LOC400499: variants seen among roughly 807,000 people sequenced by gnomAD.
the LOC400499 span, chr16:11,417,803 C>A: frequency 2.5e-5 from 10 of 398,886 alleles, no homozygotes; most frequent in Non-Finnish European, 4.0e-5. Flanking sequence ...CCAGAATGCT[C>A]GAAGCCGGAG....
the LOC400499 span, among the ~76,000 whole-genome samples, chr16:11,420,368 C>G: frequency 6.8e-6 from 1 of 147,710 alleles, no homozygotes. Context: ...ACCACATGTT[C>G]TCACTCATAG....
At chr16:11,379,827 T>G in the LOC400499 span, among the ~76,000 whole-genome samples, 63 of 152,362 alleles carry the variant, frequency 4.1e-4, no homozygotes, top group Non-Finnish European at 8.1e-4. Context: ...TGTAGATATG[T>G]TGTCATTACC....
At chr16:11,482,604 T>C in the LOC400499 span, among the ~76,000 whole-genome samples, 1 of 152,214 alleles carries the variant, frequency 6.6e-6, no homozygotes, top group East Asian at 1.9e-4. Context: ...GAAGAACTTG[T>C]TTCTGGTCAG....
At chr16:11,397,792 A>C in the LOC400499 span, among the ~76,000 whole-genome samples, 1 of 27,406 alleles carries the variant, frequency 3.6e-5, no homozygotes, top group African/African-American at 1.1e-4. Flanking sequence ...GGAGGGAGGG[A>C]GGGAGGGATG....
At chr16:11,432,293 A>G in the LOC400499 span, among the ~76,000 whole-genome samples, 1 of 152,232 alleles carries the variant, frequency 6.6e-6, no homozygotes, top group African/African-American at 2.4e-5. Context: ...GTGAGCAAAC[A>G]AAATGGTTGT....
chr16:11,459,878 C>T, the LOC400499 span: 477 of 1,350,448 alleles, frequency 3.5e-4, 4 homozygotes, highest in African/African-American at 5.9e-3. Context: ...ACGGCTCTGC[C>T]GCAGTGGCCA....
the LOC400499 span, chr16:11,393,315 C>G: frequency 5.1e-6 from 6 of 1,169,688 alleles, no homozygotes; most frequent in African/African-American, 1.6e-5. Flanking sequence ...AATCTTAACG[C>G]CCAGACCCCC....
the LOC400499 span, among the ~76,000 whole-genome samples, chr16:11,452,120 C>T: frequency 2.0e-5 from 3 of 150,840 alleles, no homozygotes; most frequent in Non-Finnish European, 4.4e-5. Flanking sequence ...TGATAAAGAT[C>T]TTATTTCACT....
At chr16:11,523,270 C>T in the LOC400499 span, 1 of 396,958 alleles carries the variant, frequency 2.5e-6, no homozygotes, top group Non-Finnish European at 4.4e-6. Context: ...TGGCCTTGGT[C>T]CTCCCAACTG....
the LOC400499 span, among the ~76,000 whole-genome samples, chr16:11,519,303 C>T: frequency 6.6e-6 from 1 of 152,104 alleles, no homozygotes; most frequent in Non-Finnish European, 1.5e-5. Flanking sequence ...AAAGGCTTTG[C>T]CCATGATGAG....
the LOC400499 span, among the ~76,000 whole-genome samples, chr16:11,484,609 G>T: frequency 1.7e-4 from 26 of 152,276 alleles, no homozygotes; most frequent in African/African-American, 6.0e-4. Flanking sequence ...TCTGGGTGCT[G>T]GTGACATGGG....
chr16:11,516,365 G>C, the LOC400499 span: 152 of 398,834 alleles, frequency 3.8e-4, 1 homozygote, highest in Middle Eastern at 4.4e-3. Flanking sequence ...GCCACTTGCA[G>C]ACTGCCAGAG....
At chr16:11,502,358 C>T in the LOC400499 span, among the ~76,000 whole-genome samples, 1 of 152,198 alleles carries the variant, frequency 6.6e-6, no homozygotes, top group African/African-American at 2.4e-5. Context: ...TTCTCCCTCA[C>T]TGCACCCCAA....
chr16:11,477,568 C>T, the LOC400499 span, among the ~76,000 whole-genome samples: 1 of 152,226 alleles, frequency 6.6e-6, no homozygotes, highest in Non-Finnish European at 1.5e-5. Flanking sequence ...GATGGAAGGG[C>T]ATAGGGTTGT....
the LOC400499 span, chr16:11,385,170 G>A: frequency 4.1e-6 from 5 of 1,230,998 alleles, no homozygotes; most frequent in Admixed American, 8.4e-5. Context: ...GGTCTCCAGG[G>A]GAGGCTCAGT....
At chr16:11,448,187 T>G in the LOC400499 span, 1 of 1,311,120 alleles carries the variant, frequency 7.6e-7, no homozygotes. Flanking sequence ...CCCCCAGAAA[T>G]GACTATCCGA....
At chr16:11,417,082 CG>C in the LOC400499 span, among the ~76,000 whole-genome samples, 1 of 151,596 alleles carries the variant, frequency 6.6e-6, no homozygotes, top group African/African-American at 2.4e-5. Flanking sequence ...TGGGTTGAAC[CG>C]TGTCCCCCAA....
chr16:11,418,256 C>T, the LOC400499 span, among the ~76,000 whole-genome samples: 2 of 152,112 alleles, frequency 1.3e-5, no homozygotes, highest in African/African-American at 2.4e-5. Flanking sequence ...GCAACTCCAT[C>T]TTGAATAGAC....
At chr16:11,485,447 C>T in the LOC400499 span, among the ~76,000 whole-genome samples, 3 of 152,056 alleles carry the variant, frequency 2.0e-5, no homozygotes, top group South Asian at 2.1e-4. Flanking sequence ...GGCAAGGGCT[C>T]GTGTATCAAT....
Sources: gnomAD v4.1 joint callset for allele counts (sites outside exome capture counted in the v4.1 genomes callset) on GRCh38, gnomAD v4.1.1 for gene constraint, MANE v1.5 for transcripts.